The following ADM variants were observed in gnomAD, a reference collection of about 807,000 sequenced individuals.
The protein encoded by ADM is adrenomedullin, also known as pro-adrenomedullin.
ADM carries 4 observed loss-of-function variants against 9.0 expected under a neutral mutation model. The observed-to-expected ratio is 0.44, with a 90% CI of 0.22 to 1.02. The LOEUF (loss-of-function observed/expected upper bound fraction) is 1.02, where lower values mean the gene tolerates loss of function less well. Among genes scored for constraint, ADM ranks in the 50% least tolerant of loss-of-function variants. ADM has a pLI of 0.24. For missense variants in ADM, 253 were observed against 254.1 expected (o/e 1.00, Z 0.03); for synonymous variants, 107 against 107.2 (o/e 1.00, Z 0.01).
In ADM at chr11:10,305,806, C is replaced by T; in HGVS notation, c.98+8C>T. 1.9e-6 allele frequency: 3 copies of T among 1,614,058 alleles called. No homozygotes were observed. Among genetic ancestry groups the T allele is most frequent in the Non-Finnish European group, 2.5e-6 (3 of 1,179,978 alleles). On this transcript the variant is annotated splice_region_variant and intron_variant, in intron 2 of 3. Coordinates refer to ENST00000278175, the MANE Select transcript of ADM (RefSeq NM_001124.3). ...GTCGGAGTTTCGAAAGAAGTGAGTC[C>T]GGGCAGCGCCTTCCCCCTTGCTGGT...
Position 10,306,748 on chromosome 11 carries a change from G to A in ADM, c.*107G>A. The stretch of plus-strand genomic sequence containing the variant: ...GTGGGGACCGGGCTCTGACAGCCCT[G>A]CGGAGACCCTGAGTCCGGGAGGCAC... On this transcript the variant is annotated 3_prime_UTR_variant, in exon 4 of 4. Coordinates refer to ENST00000278175, the MANE Select transcript of ADM (RefSeq NM_001124.3). 1 of 1,218,194 alleles carries A rather than the reference G, an allele frequency of 8.2e-7. No individual in the cohort carries two copies. Among genetic ancestry groups the A allele is most frequent in the African/African-American group, 1.6e-5 (1 of 64,318 alleles). 75.5% of individuals were successfully genotyped at this position (1,218,194 alleles called of 1,614,324 possible).
chr11:10,306,767 G>C lies in ADM; in HGVS notation c.*126G>C, dbSNP rs1258407246. The C allele has an allele frequency of 1.7e-5, 17 of 992,110 alleles. No individual in the cohort carries two copies. Among genetic ancestry groups the C allele is most frequent in the Admixed American group, 3.4e-5 (1 of 29,168 alleles). The allele number at this position is 992,110 out of a possible 1,614,324, so 61.5% of individuals were successfully genotyped here. A position where few individuals can be genotyped will look rare whatever the true frequency, so the allele number is the denominator to read the frequency against. ...AGCCCTGCGGAGACCCTGAGTCCGG[G>C]AGGCACCGTCCGGCGGCGAGCTCTG... On this transcript the variant is annotated 3_prime_UTR_variant, in exon 4 of 4. Transcript: ENST00000278175.
rs958319205 is a variant in ADM, at chr11:10,306,798, G to A, written c.*157G>A. Reference sequence around the variant, plus strand: ...CCGTCCGGCGGCGAGCTCTGGCTTTGCAAGGGCCCCTCCTTCTGGGGGCTT... The same window carrying A: ...CCGTCCGGCGGCGAGCTCTGGCTTTACAAGGGCCCCTCCTTCTGGGGGCTT... On this transcript the variant is annotated 3_prime_UTR_variant, in exon 4 of 4. Transcript: ENST00000278175. 4.4e-6 allele frequency: 3 copies of A among 680,680 alleles called. No homozygotes were observed. The highest frequency in any genetic ancestry group is 5.7e-5 in the South Asian group (2 of 35,202). The allele number at this position is 680,680 out of a possible 1,614,324, so 42.2% of individuals were successfully genotyped here.
chr11:10,305,578 G>C (rs1264283341), intron 1 of ADM, 102 bp from the exon 2 acceptor site: 4 of 969,294 alleles, frequency 4.1e-6, no homozygotes, highest in South Asian at 1.4e-5. Context: ...GAAAGCGCGG[G>C]CTAAACCCGC....
Position 10,305,796 on chromosome 11 carries a change from G to A in ADM, c.96G>A (p.Lys32=), listed in dbSNP as rs903573362. 8 of 1,614,042 alleles carry A rather than the reference G, an allele frequency of 5.0e-6. No homozygotes were observed. The highest frequency in any genetic ancestry group is 6.8e-6 in the Non-Finnish European group (8 of 1,180,036). The change falls in exon 2 of 4, where the codon AAG becomes AAA. Residue 32 remains lysine, a splice_region_variant and synonymous_variant. Transcript: ENST00000278175. Reference sequence around the variant, plus strand: ...TGGATGTCGCGTCGGAGTTTCGAAAGAAGTGAGTCCGGGCAGCGCCTTCCC... The same window carrying A: ...TGGATGTCGCGTCGGAGTTTCGAAAAAAGTGAGTCCGGGCAGCGCCTTCCC... The part of the protein sequence containing the change: ...ARLDVASEFR[K]KWNKWALSRG...
chr11:10,306,312 C>CGGG lies in ADM; in HGVS notation c.249-20_249-19insGGG. ...GATGGGGTCTCAAGTTGCCTTTCTT[C>CGGG]CCCCTCCCCCCGCCCGCAGCAGTCC... On this transcript the variant is annotated intron_variant, in intron 3 of 3. Transcript: ENST00000278175. The CGGG allele has an allele frequency of 2.6e-5, 18 of 705,836 alleles. No homozygotes were observed. The highest frequency in any genetic ancestry group is 4.0e-5 in the Non-Finnish European group (17 of 429,114). 43.7% of individuals were successfully genotyped at this position (705,836 alleles called of 1,614,324 possible). A position where few individuals can be genotyped will look rare whatever the true frequency, so the allele number is the denominator to read the frequency against.
In ADM at chr11:10,306,087, C is replaced by T. The variant is rs763121485; in HGVS notation, c.237C>T (p.Ser79=). 1.9e-6 allele frequency: 3 copies of T among 1,613,736 alleles called. No homozygotes were observed. The East Asian group carries it at 6.7e-5, about 36-fold the overall frequency. The stretch of plus-strand genomic sequence containing the variant: ...AGGACATGAAGGGTGCCTCTCGAAG[C>T]CCCGAAGACAGGTAACTACGCCCTG... ...RPQDMKGASR[S]PEDSSPDAAR... Residue 79 remains serine, a synonymous_variant, in exon 3 of 4, where the codon AGC becomes AGT. Transcript: ENST00000278175.
At chr11:10,305,829 G>T (rs757448361) in intron 2 of ADM, 31 bp downstream of exon 2, 2 of 1,612,972 alleles carry the variant, frequency 1.2e-6, no homozygotes, top group Non-Finnish European at 1.7e-6. Flanking sequence ...CCCCCTTGCT[G>T]GTACCTGGCA....
Position 10,306,513 on chromosome 11 carries a change from C to G in ADM, c.430C>G (p.Gln144Glu), listed in dbSNP as rs781376753. 2.5e-6 allele frequency: 4 copies of G among 1,612,914 alleles called. No homozygotes were observed. In the East Asian group the frequency reaches 8.9e-5, roughly 36 times the overall value. Residue 144 changes from glutamine to glutamate, a missense_variant, in exon 4 of 4, where the codon CAG becomes GAG. Physicochemically the swap from Gln to Glu is conservative, Grantham distance 29. Coordinates refer to ENST00000278175, the MANE Select transcript of ADM (RefSeq NM_001124.3). ...CGCCCCCAGGAGCAAGATCAGCCCC[C>G]AGGGCTACGGCCGCCGGCGCCGGCG... ...NVAPRSKISPQGYGRRRRRSL... is the reference protein window; with the variant it reads ...NVAPRSKISPEGYGRRRRRSL...
Position 10,307,044 on chromosome 11 carries a change from T to G in ADM, c.*403T>G, listed in dbSNP as rs1231277330. 2 of 173,906 alleles carry G rather than the reference T, an allele frequency of 1.2e-5. No homozygotes were observed. The highest frequency in any genetic ancestry group is 2.2e-3 in the Middle Eastern group (1 of 452). 10.8% of individuals were successfully genotyped at this position (173,906 alleles called of 1,614,324 possible). On this transcript the variant is annotated 3_prime_UTR_variant, in exon 4 of 4. Coordinates refer to ENST00000278175, the MANE Select transcript of ADM (RefSeq NM_001124.3). The surrounding 1 kb of genome is among the most constrained non-coding windows in gnomAD (Gnocchi z 4.5). ...ACTATTACTTGAACTTTCCAAAACC[T>G]AAAGAGGAAAAGTGCAATGCGTGTT...
intron 1 of ADM, 73 bp from the exon 2 acceptor site, chr11:10,305,607 C>A (rs1312245232): frequency 2.9e-6 from 4 of 1,382,222 alleles, no homozygotes; most frequent in East Asian, 2.3e-5. Flanking sequence ...GGCCCCTGCC[C>A]GCCCTCCGTG....
In ADM at chr11:10,306,437, GA is replaced by G; in HGVS notation, c.356del (p.Lys119SerfsTer70). On this transcript the variant is annotated frameshift_variant, in exon 4 of 4. Transcript: ENST00000278175. LOFTEE classifies it low-confidence loss of function (END_TRUNC). ...GCCGCTTCGGGACGTGCACGGTGCA[GA>G]AGCTGGCACACCAGATCTACCAGTT... ...GCRFGTCTVQ[K>X]LAHQIYQFTD... is the part of the protein sequence containing the mutation. 6.2e-7 allele frequency: 1 copy of G among 1,613,512 alleles called. No individual in the cohort carries two copies. Among genetic ancestry groups the G allele is most frequent in the Non-Finnish European group, 8.5e-7 (1 of 1,179,910 alleles).
rs761204476 is a variant in ADM, at chr11:10,306,665, G to C, written c.*24G>C. On this transcript the variant is annotated 3_prime_UTR_variant, in exon 4 of 4. Transcript: ENST00000278175. ...AGGATTTAGGCGCCCATGGTACAAG[G>C]AATAGTCGCGCAAGCATCCCGCTGG... 4.7e-6 allele frequency: 7 copies of C among 1,502,808 alleles called. No individual in the cohort carries two copies. The African/African-American group carries it at 7.0e-5, about 15-fold the overall frequency. The allele number at this position is 1,502,808 out of a possible 1,614,324, so 93.1% of individuals were successfully genotyped here.
chr11:10,305,630 G>A, intron 1 of ADM, 50 bp from the exon 2 acceptor site: 1 of 1,521,708 alleles, frequency 6.6e-7, no homozygotes, highest in Non-Finnish European at 9.0e-7. Context: ...CCGCCCGGGC[G>A]GTGCAGCTGG....
chr11:10,306,296 T>A (rs1964655340), intron 3 of ADM, 36 bp from the exon 4 acceptor site: 1 of 1,602,322 alleles, frequency 6.2e-7, no homozygotes, highest in Non-Finnish European at 8.5e-7. Flanking sequence ...TGATGGGGTC[T>A]CAAGTTGCCT....
chr11:10,306,439 A>C lies in ADM; in HGVS notation c.356A>C (p.Lys119Thr), dbSNP rs1331429534. 1 of 1,613,230 alleles carries C rather than the reference A, an allele frequency of 6.2e-7. No homozygotes were observed. Among genetic ancestry groups the C allele is most frequent in the African/African-American group, 1.3e-5 (1 of 74,702 alleles). Reference sequence around the variant, plus strand: ...CGCTTCGGGACGTGCACGGTGCAGAAGCTGGCACACCAGATCTACCAGTTC... The same window carrying C: ...CGCTTCGGGACGTGCACGGTGCAGACGCTGGCACACCAGATCTACCAGTTC... ...GCRFGTCTVQ[K>T]LAHQIYQFTD... The change falls in exon 4 of 4, where the codon AAG becomes ACG. Residue 119 changes from lysine to threonine, a missense_variant. Transcript: ENST00000278175.
rs1191957794 is a variant in ADM at position 10,306,497 on chromosome 11, G to A, written c.414G>A (p.Arg138=). 25 of 1,612,404 alleles carry A rather than the reference G, an allele frequency of 1.6e-5. No homozygotes were observed. Among genetic ancestry groups the A allele is most frequent in the African/African-American group, 2.7e-5 (2 of 74,778 alleles). ...AGGACAAGGACAACGTCGCCCCCAG[G>A]AGCAAGATCAGCCCCCAGGGCTACG... ...TDKDKDNVAP[R]SKISPQGYGR... The change falls in exon 4 of 4, where the codon AGG becomes AGA. Residue 138 remains arginine (R), a synonymous_variant. Coordinates refer to ENST00000278175, the MANE Select transcript of ADM (RefSeq NM_001124.3).
chr11:10,305,654 G>A, intron 1 of ADM, 26 bp from the exon 2 acceptor site: 1 of 1,593,184 alleles, frequency 6.3e-7, no homozygotes, highest in Non-Finnish European at 8.6e-7. Context: ...GGGTGCTCAC[G>A]CTCGACTCTC....
Position 10,306,470 on chromosome 11 carries a change from TAAGGAC to T in ADM, c.396_401del (p.Lys132_Asp133del). ...CACACCAGATCTACCAGTTCACAGA[TAAGGAC>T]AAGGACAACGTCGCCCCCAGGAGCA... On this transcript the variant is annotated inframe_deletion, in exon 4 of 4. Transcript: ENST00000278175. The T allele has an allele frequency of 6.2e-7, 1 of 1,612,130 alleles. No individual in the cohort carries two copies. Among genetic ancestry groups the T allele is most frequent in the Non-Finnish European group, 8.5e-7 (1 of 1,179,654 alleles).
Sources: allele counts gnomAD v4.1 joint callset, GRCh38; gene constraint gnomAD v4.1.1; non-coding constraint Gnocchi (gnomAD v3.1); transcripts MANE v1.5; gene names NCBI Gene and HGNC (gene_info 2026-07-23, HGNC 2026-07-21).